Variants in FGF13 observed in about 807,000 individuals in gnomAD.
FGF13 encodes the protein fibroblast growth factor 13.
FGF13 carries 2 observed loss-of-function variants against 19.5 expected under a neutral mutation model. The ratio of observed to expected loss-of-function variants is 0.10; its 90% CI spans 0.04 to 0.32. The LOEUF (loss-of-function observed/expected upper bound fraction) is 0.32, where lower values mean the gene tolerates loss of function less well. Ranked by LOEUF, FGF13 falls within the 10% of genes least tolerant of loss-of-function variation. FGF13 has a pLI of 1.00. For synonymous variants in FGF13, 72 were observed against 76.9 expected (o/e 0.94, Z 0.33); for missense variants, 113 against 192.7 (o/e 0.59, Z 2.45).
chrX:138,866,862 G>A (rs1236154269), intron 1 of FGF13, among the ~76,000 whole-genome samples: 2 of 111,811 alleles, frequency 1.8e-5, no homozygotes, highest in Non-Finnish European at 3.8e-5. Flanking sequence ...CACATAGTCA[G>A]TACTAAGTAT....
In FGF13 at chrX:139,170,911, A is replaced by C. The variant is rs753425979; in HGVS notation, c.-113+32505T>G. Among the ~76,000 whole-genome samples, 57 of 111,684 alleles carry C rather than the reference A, an allele frequency of 5.1e-4. 1 individual carries two copies. The highest frequency in any genetic ancestry group is 8.8e-4 in the Non-Finnish European group (47 of 53,137). ...CCTTCCCAAGCCTCAGACTCCAAGAAAAAAGTGCGTTCTGTTAGCCAACAC... is the reference window on the plus strand; with the variant it reads ...CCTTCCCAAGCCTCAGACTCCAAGACAAAAGTGCGTTCTGTTAGCCAACAC... On this transcript the variant is annotated intron_variant, in intron 1 of 2. Transcript: ENST00000421460.
intron 1 of FGF13, among the ~76,000 whole-genome samples, chrX:138,998,206 C>A (rs1175623451): frequency 9.0e-6 from 1 of 111,624 alleles, no homozygotes; most frequent in East Asian, 2.8e-4. Flanking sequence ...AAAGGAACGA[C>A]CAGTACCAGC....
At chrX:138,807,736 A>G (rs1602888183) in intron 3 of FGF13, among the ~76,000 whole-genome samples, 3 of 111,642 alleles carry the variant, frequency 2.7e-5, no homozygotes, top group Admixed American at 9.6e-5. Context: ...TCAAAATAAA[A>G]GGATGGAGGA....
downstream of FGF13, among the ~76,000 whole-genome samples, chrX:138,856,595 T>C (rs145563959): frequency 3.3e-3 from 374 of 111,842 alleles, 1 homozygote; most frequent in African/African-American, 0.011. Context: ...ACAGGTGAAT[T>C]TTGTCACTTC....
intron 1 of FGF13, among the ~76,000 whole-genome samples, chrX:138,870,339 T>C (rs1263295456): frequency 9.0e-6 from 1 of 111,706 alleles, no homozygotes; most frequent in Non-Finnish European, 1.9e-5. Flanking sequence ...TAGCAACCCA[T>C]GTTCACATTT....
intron 1 of FGF13, among the ~76,000 whole-genome samples, chrX:139,044,904 G>T (rs765226190): frequency 2.7e-5 from 3 of 111,166 alleles, no homozygotes; most frequent in African/African-American, 9.9e-5. Flanking sequence ...TCTGGAGGAC[G>T]GTGGCCCCCA....
intron 1 of FGF13, among the ~76,000 whole-genome samples, chrX:139,059,108 G>A (rs1458683301): frequency 1.8e-5 from 2 of 111,185 alleles, no homozygotes; most frequent in African/African-American, 3.3e-5. Context: ...TGAAAATTGT[G>A]CTGAATTTTG....
intron 1 of FGF13, among the ~76,000 whole-genome samples, chrX:138,893,438 G>A (rs137870531): frequency 5.4e-5 from 6 of 110,705 alleles, no homozygotes; most frequent in East Asian, 5.7e-4. Context: ...AGGTGGGCTC[G>A]GAAGGGATTA....
intron 1 of FGF13, among the ~76,000 whole-genome samples, chrX:139,164,933 G>A (rs1381503752): frequency 1.8e-5 from 2 of 110,761 alleles, no homozygotes; most frequent in Non-Finnish European, 3.8e-5. Context: ...ATAGGAGCAA[G>A]TTTAAAAACC....
intron 1 of FGF13, among the ~76,000 whole-genome samples, chrX:139,141,493 C>G (rs982120066): frequency 4.5e-5 from 5 of 111,891 alleles, no homozygotes; most frequent in African/African-American, 1.6e-4. Flanking sequence ...ACCGTCTTAT[C>G]CACCCTCCAC....
intron 1 of FGF13, among the ~76,000 whole-genome samples, chrX:139,200,619 T>C (rs1162032539): frequency 4.5e-5 from 5 of 112,138 alleles, no homozygotes; most frequent in African/African-American, 1.6e-4. Flanking sequence ...GCCTTGAAAC[T>C]TGCCTGGATA....
chrX:138,687,630 C>T (rs931443739), intron 3 of FGF13, among the ~76,000 whole-genome samples: 1 of 111,707 alleles, frequency 9.0e-6, no homozygotes, highest in African/African-American at 3.3e-5. Flanking sequence ...ACCATATGAT[C>T]CAGCAATCCC....
At chrX:138,651,517 C>T (rs2089373227) in intron 3 of FGF13, among the ~76,000 whole-genome samples, 1 of 111,833 alleles carries the variant, frequency 8.9e-6, no homozygotes, top group Non-Finnish European at 1.9e-5. Flanking sequence ...TGAGTCACAG[C>T]CTGGTAGTAA....
At chrX:139,067,541 T>A (rs191892641) in intron 1 of FGF13, among the ~76,000 whole-genome samples, 2,446 of 111,258 alleles carry the variant, frequency 0.022, 78 homozygotes, top group African/African-American at 0.075. Flanking sequence ...CAATTGCTAC[T>A]AAAAGAATAA....
intron 1 of FGF13, among the ~76,000 whole-genome samples, chrX:139,035,657 A>C (rs1224465157): frequency 9.0e-6 from 1 of 111,385 alleles, no homozygotes; most frequent in Admixed American, 9.6e-5. Flanking sequence ...CCATAAAGAC[A>C]ACGACAAGTC....
In FGF13 at chrX:139,198,239, T is replaced by C. The variant is rs138121118; in HGVS notation, c.-113+5177A>G. Among the ~76,000 whole-genome samples, 642 of 111,718 alleles carry C rather than the reference T, an allele frequency of 5.7e-3. 7 individuals carry two copies. Among genetic ancestry groups the C allele is most frequent in the African/African-American group, 0.02 (607 of 30,696 alleles). ...GGAAATTGAGTTTTACTGTTTTTCT[T>C]TTCTAATTTGGCCTTTGACTGGCCT... On this transcript the variant is annotated intron_variant, in intron 1 of 2. Coordinates refer to the FGF13 transcript ENST00000421460.
chrX:138,713,495 A>AC (rs2090073774), upstream of FGF13, among the ~76,000 whole-genome samples: 1 of 111,476 alleles, frequency 9.0e-6, no homozygotes, highest in Non-Finnish European at 1.9e-5. Context: ...CCAAGCACCA[A>AC]CCCCAAGGGC....
At chrX:138,772,280 TATC>T (rs754060757) in intron 3 of FGF13, among the ~76,000 whole-genome samples, 33 of 108,889 alleles carry the variant, frequency 3.0e-4, no homozygotes, top group Non-Finnish European at 5.5e-4. Context: ...TTGTTAATAT[TATC>T]ATCTTTATTG....
chrX:138,685,966 G>GT (rs1436867914), intron 3 of FGF13, among the ~76,000 whole-genome samples: 6 of 109,594 alleles, frequency 5.5e-5, no homozygotes, highest in South Asian at 7.9e-4. Flanking sequence ...TGATGAGACG[G>GT]TAACAGGTTG....
Sources: allele counts gnomAD v4.1 joint callset (sites outside exome capture counted in the v4.1 genomes callset), GRCh38; gene constraint gnomAD v4.1.1; transcripts MANE v1.5; gene names NCBI Gene and HGNC (gene_info 2026-07-23, HGNC 2026-07-21).